The following SGCZ variants were observed in gnomAD, a reference collection of about 807,000 sequenced individuals.
SGCZ encodes zeta-sarcoglycan.
In SGCZ, 40 loss-of-function variants were observed where a neutral mutation model predicts 41.3. The ratio of observed to expected loss-of-function variants is 0.97; its 90% CI spans 0.75 to 1.26. The LOEUF (loss-of-function observed/expected upper bound fraction) is 1.26, where lower values mean the gene tolerates loss of function less well. Ranked by LOEUF, SGCZ falls within the 50% of genes most tolerant of loss-of-function variation. The probability of loss-of-function intolerance (pLI) is 0.00; values close to 1 mark genes in which losing one functional copy is unlikely to be tolerated. For missense variants in SGCZ, 552 were observed against 369.8 expected (o/e 1.49, Z -4.04); for synonymous variants, 206 against 137.5 (o/e 1.50, Z -3.49).
intron 1 of SGCZ, among the ~76,000 whole-genome samples, chr8:15,090,822 A>G (rs1042119151): frequency 2.0e-5 from 3 of 152,174 alleles, no homozygotes; most frequent in African/African-American, 7.2e-5. Flanking sequence ...CTCAAGAGTG[A>G]AAGGTTGCCC....
At chr8:14,395,016 C>G in intron 2 of SGCZ, among the ~76,000 whole-genome samples, 1 of 152,240 alleles carries the variant, frequency 6.6e-6, no homozygotes, top group East Asian at 1.9e-4. Flanking sequence ...AATTGTAAAA[C>G]TGATGTAGTG....
rs1810188120 is a variant in SGCZ, at chr8:14,730,160, G to T, written c.40-175234C>A. On this transcript the variant is annotated intron_variant, in intron 1 of 7. Coordinates refer to ENST00000382080, the MANE Select transcript of SGCZ (RefSeq NM_139167.4). Reference sequence around the variant, plus strand: ...ACCCTTGGCCATCATCTCATCAAGAGAATCTTGTCTGCTCTCATCAGTGGG... The same window carrying T: ...ACCCTTGGCCATCATCTCATCAAGATAATCTTGTCTGCTCTCATCAGTGGG... 2.0e-5 allele frequency among the ~76,000 whole-genome samples: 3 copies of T among 152,164 alleles called. No homozygotes were observed. In the South Asian group the frequency reaches 6.2e-4, roughly 32 times the overall value.
intron 2 of SGCZ, among the ~76,000 whole-genome samples, chr8:14,389,000 C>G (rs1804669034): frequency 6.6e-6 from 1 of 151,688 alleles, no homozygotes; most frequent in Admixed American, 6.6e-5. Flanking sequence ...AAGAAAAAAG[C>G]ATAATATAAA....
At chr8:15,117,288 G>C (rs546812534) in intron 1 of SGCZ, among the ~76,000 whole-genome samples, 4 of 151,604 alleles carry the variant, frequency 2.6e-5, no homozygotes, top group Non-Finnish European at 4.4e-5. Flanking sequence ...GAACCTGGGA[G>C]GGGGAGCTCG....
intron 2 of SGCZ, among the ~76,000 whole-genome samples, chr8:14,367,500 C>T (rs1020104559): frequency 2.6e-5 from 4 of 151,948 alleles, no homozygotes; most frequent in Non-Finnish European, 5.9e-5. Flanking sequence ...GAAGAATACC[C>T]AAAACTAGGC....
chr8:15,169,109 GC>G (rs1191023882), intron 1 of SGCZ, among the ~76,000 whole-genome samples: 2 of 152,328 alleles, frequency 1.3e-5, no homozygotes, highest in Admixed American at 1.3e-4. Flanking sequence ...TCTAACAATG[GC>G]CCCTGCTGGG....
intron 3 of SGCZ, among the ~76,000 whole-genome samples, chr8:14,260,861 AC>A (rs1243282576): frequency 1.3e-5 from 2 of 151,988 alleles, no homozygotes; most frequent in African/African-American, 4.8e-5. Context: ...AAAACCAAAC[AC>A]CGCATATTCT....
At chr8:14,263,988 C>T (rs1039624143) in intron 3 of SGCZ, among the ~76,000 whole-genome samples, 3 of 152,196 alleles carry the variant, frequency 2.0e-5, no homozygotes, top group South Asian at 2.1e-4. Flanking sequence ...CTCCAGGCCA[C>T]GGCCCACAGA....
chr8:14,209,790 G>T (rs894911125), intron 4 of SGCZ, among the ~76,000 whole-genome samples: 2 of 151,766 alleles, frequency 1.3e-5, no homozygotes, highest in Admixed American at 6.6e-5. Flanking sequence ...AGTTACGTTG[G>T]TATTTAAATA....
intron 1 of SGCZ, among the ~76,000 whole-genome samples, chr8:15,080,080 C>G (rs1245264369): frequency 6.6e-6 from 1 of 152,050 alleles, no homozygotes. Context: ...TATTTTCTTT[C>G]AGCATCTCTG....
chr8:14,595,446 G>A (rs1428420017), intron 1 of SGCZ, among the ~76,000 whole-genome samples: 1 of 104,756 alleles, frequency 9.5e-6, no homozygotes, highest in African/African-American at 3.1e-5. Flanking sequence ...CACACACCAT[G>A]TACTGATGGG....
intron 2 of SGCZ, among the ~76,000 whole-genome samples, chr8:14,367,403 C>T (rs1041800124): frequency 3.3e-5 from 5 of 152,068 alleles, no homozygotes; most frequent in Admixed American, 6.6e-5. Flanking sequence ...GTTCCAAGGT[C>T]GCTTCCACAT....
chr8:15,062,817 T>C (rs2131013710), intron 1 of SGCZ, among the ~76,000 whole-genome samples: 1 of 152,278 alleles, frequency 6.6e-6, no homozygotes, highest in Non-Finnish European at 1.5e-5. Context: ...TATCACTACA[T>C]ATGATTAATC....
intron 1 of SGCZ, among the ~76,000 whole-genome samples, chr8:14,577,279 G>A (rs1208731479): frequency 6.6e-6 from 1 of 151,124 alleles, no homozygotes; most frequent in Non-Finnish European, 1.5e-5. Context: ...ATACAAGTAT[G>A]TCATAAATAT....
chr8:15,138,314 A>G (rs268429), intron 1 of SGCZ, among the ~76,000 whole-genome samples: 147,473 of 152,224 alleles, frequency 0.97, 71,594 homozygotes, highest in East Asian at 1. Context: ...TGTCTCAGAT[A>G]AGACTTTGGA....
At chr8:14,416,108 G>C (rs1167144045) in intron 2 of SGCZ, among the ~76,000 whole-genome samples, 1 of 151,962 alleles carries the variant, frequency 6.6e-6, no homozygotes, top group East Asian at 1.9e-4. Flanking sequence ...GTAAAAATAA[G>C]CAGAGGTGCT....
intron 5 of SGCZ, among the ~76,000 whole-genome samples, chr8:14,115,171 T>C (rs1802486355): frequency 6.6e-6 from 1 of 151,966 alleles, no homozygotes; most frequent in Non-Finnish European, 1.5e-5. Context: ...GAGGTTGTTG[T>C]TTTGCCCTTT....
At chr8:14,227,126 G>A (rs1240185767) in intron 4 of SGCZ, among the ~76,000 whole-genome samples, 1 of 152,098 alleles carries the variant, frequency 6.6e-6, no homozygotes, top group Non-Finnish European at 1.5e-5. Flanking sequence ...CTCTGGAAGA[G>A]ATATGAGGAA....
rs1295073448 is a variant in SGCZ, at chr8:15,085,625, T to C, written c.39+151960A>G. On this transcript the variant is annotated intron_variant, in intron 1 of 7. Transcript: ENST00000382080. The stretch of plus-strand genomic sequence containing the variant: ...GAAATAACACCTGACAGATAATCCC[T>C]CCTTAAAAAATTAGTTCCAGAACAA... Among the ~76,000 whole-genome samples, 4 of 152,118 alleles carry C rather than the reference T, an allele frequency of 2.6e-5. No homozygotes were observed. The East Asian group carries it at 7.7e-4, about 29-fold the overall frequency.
Sources: allele counts gnomAD v4.1 joint callset (sites outside exome capture counted in the v4.1 genomes callset), GRCh38; gene constraint gnomAD v4.1.1; transcripts MANE v1.5; gene names NCBI Gene and HGNC (gene_info 2026-07-23, HGNC 2026-07-21).